The following PRKAR1A variants were observed in gnomAD, a reference collection of about 807,000 sequenced individuals.
PRKAR1A encodes protein kinase cAMP-dependent type I regulatory subunit alpha.
A neutral mutation model predicts 52.0 loss-of-function variants in PRKAR1A; 3 were observed. The observed-to-expected ratio is 0.06, with a 90% CI of 0.03 to 0.15. The LOEUF is 0.15. Among genes scored for constraint, PRKAR1A ranks in the 10% least tolerant of loss-of-function variants. PRKAR1A has a pLI of 1.00. For synonymous variants in PRKAR1A, 188 were observed against 168.4 expected (o/e 1.12, Z -0.90); for missense variants, 240 against 477.4 (o/e 0.50, Z 4.63).
the PRKAR1A span, among the ~76,000 whole-genome samples, chr17:68,502,213 G>A: frequency 6.6e-6 from 1 of 152,110 alleles, no homozygotes; most frequent in African/African-American, 2.4e-5. Flanking sequence ...CCTGCATGAG[G>A]CCATTCAGTA....
At chr17:68,474,445 C>CG in the PRKAR1A span, among the ~76,000 whole-genome samples, 1 of 152,112 alleles carries the variant, frequency 6.6e-6, no homozygotes, top group Non-Finnish European at 1.5e-5. Context: ...AGCAGTGCCC[C>CG]GGGGGCCCGC....
intron 7 of PRKAR1A, among the ~76,000 whole-genome samples, chr17:68,526,577 T>G (rs2085797418): frequency 6.6e-6 from 1 of 152,174 alleles, no homozygotes; most frequent in Admixed American, 6.5e-5. Flanking sequence ...ATTTGGGATA[T>G]ATAGATAGAT....
the PRKAR1A span, among the ~76,000 whole-genome samples, chr17:68,498,875 A>T: frequency 6.6e-6 from 1 of 152,142 alleles, no homozygotes; most frequent in Non-Finnish European, 1.5e-5. Context: ...TCCTCTTTAA[A>T]GGTCTTCTGT....
chr17:68,476,386 T>G, the PRKAR1A span, among the ~76,000 whole-genome samples: 11 of 152,084 alleles, frequency 7.2e-5, no homozygotes, highest in Admixed American at 4.6e-4. Context: ...GTCTCCATTT[T>G]CCCCCTTTCT....
chr17:68,518,876 C>T (rs1251883574), intron 2 of PRKAR1A, among the ~76,000 whole-genome samples: 1 of 152,208 alleles, frequency 6.6e-6, no homozygotes, highest in Non-Finnish European at 1.5e-5. Context: ...CCACCGGATA[C>T]CCTAAATCAT....
intron 1 of PRKAR1A, 125 bp from the exon 2 acceptor site, chr17:68,515,267 TAA>T: frequency 9.2e-7 from 1 of 1,081,598 alleles, no homozygotes; most frequent in Non-Finnish European, 1.4e-6. Flanking sequence ...CTTCCCTGTT[TAA>T]AAACAAAATC....
At chr17:68,460,581 C>T in the PRKAR1A span, among the ~76,000 whole-genome samples, 1 of 152,170 alleles carries the variant, frequency 6.6e-6, no homozygotes, top group South Asian at 2.1e-4. Flanking sequence ...ATTATGGCAC[C>T]AGCCATGTGG....
intron 2 of PRKAR1A, among the ~76,000 whole-genome samples, chr17:68,521,328 C>G (rs10468444): frequency 0.14 from 21,330 of 152,232 alleles, 1,540 homozygotes; most frequent in South Asian, 0.2. Flanking sequence ...CTTCCAGGCT[C>G]AGGTGATCCT....
the PRKAR1A span, among the ~76,000 whole-genome samples, chr17:68,418,125 T>C: frequency 7.9e-5 from 12 of 152,152 alleles, no homozygotes; most frequent in Non-Finnish European, 1.3e-4. Flanking sequence ...ACTGGGAGTC[T>C]CCTATTTAGT....
chr17:68,539,201 A>G lies in PRKAR1A; in HGVS notation c.973+9200A>G. On this transcript the variant is annotated intron_variant, in intron 11 of 11. Transcript: ENST00000585981. The stretch of plus-strand genomic sequence containing the variant: ...CATGCAGTGCACAAATGTGTAGGAA[A>G]TAAGGTGATTCATGTCATTCTACCC... The G allele has an allele frequency of 2.6e-6, 2 of 774,776 alleles. 1 individual carries two copies. Among genetic ancestry groups the G allele is most frequent in the South Asian group, 3.0e-5 (2 of 67,064 alleles). 48.0% of individuals were successfully genotyped at this position (774,776 alleles called of 1,614,324 possible). A position where few individuals can be genotyped will look rare whatever the true frequency, so the allele number is the denominator to read the frequency against.
chr17:68,537,011 C>T (rs764554217), downstream of PRKAR1A: 148 of 454,966 alleles, frequency 3.3e-4, no homozygotes, highest in Non-Finnish European at 4.8e-5. This position sits in a 1 kb window ranked among gnomAD's most constrained non-coding sequence, Gnocchi z 4.2. Context: ...CTGTTGCCTG[C>T]GCTGGCCCAA....
chr17:68,489,525 T>C, the PRKAR1A span, among the ~76,000 whole-genome samples: 1 of 145,882 alleles, frequency 6.9e-6, no homozygotes, highest in South Asian at 2.1e-4. Context: ...GGAAAGTGTA[T>C]ATATATATAT....
the PRKAR1A span, among the ~76,000 whole-genome samples, chr17:68,457,750 G>A: frequency 6.6e-6 from 1 of 152,036 alleles, no homozygotes; most frequent in Middle Eastern, 3.2e-3. Context: ...CCAATCCGTG[G>A]CAGCTGTGGG....
the PRKAR1A span, chr17:68,444,699 G>T: frequency 1.2e-6 from 1 of 828,264 alleles, no homozygotes; most frequent in Non-Finnish European, 1.8e-6. Flanking sequence ...TAAGCCTAAA[G>T]CAGAATTTTG....
intron 11 of PRKAR1A, chr17:68,541,638 C>T (rs74438872): frequency 1.4e-5 from 3 of 213,152 alleles, no homozygotes; most frequent in South Asian, 9.4e-5. Flanking sequence ...ATGGGATTCT[C>T]GTGTGCTCCC....
chr17:68,529,083 G>C, intron 9 of PRKAR1A, 92 bp downstream of exon 9: 1 of 1,481,044 alleles, frequency 6.8e-7, no homozygotes, highest in Non-Finnish European at 9.3e-7. Flanking sequence ...GAGGGAAAGA[G>C]TGGGCTAATT....
intron 11 of PRKAR1A, chr17:68,543,677 A>T: frequency 6.2e-7 from 1 of 1,614,162 alleles, no homozygotes; most frequent in Non-Finnish European, 8.5e-7. Flanking sequence ...CTGAAAGTCA[A>T]TGAAGTAGAA....
At position 68,541,843 on chromosome 17, in the gene PRKAR1A, G is replaced by C. The variant is rs1222357910; in HGVS notation, c.974-9241G>C. Reference sequence around the variant, plus strand: ...AGGGGAGAACAGACCCAGGCCTGCTGATCCCAGGATCAATATGAAATGGGG... The same window carrying C: ...AGGGGAGAACAGACCCAGGCCTGCTCATCCCAGGATCAATATGAAATGGGG... On this transcript the variant is annotated intron_variant, in intron 11 of 11. Transcript: ENST00000585981. The C allele has an allele frequency of 4.9e-6, 5 of 1,019,476 alleles. No homozygotes were observed. In the Admixed American group the frequency reaches 1.1e-4, roughly 23 times the overall value. The allele number at this position is 1,019,476 out of a possible 1,614,324, so 63.2% of individuals were successfully genotyped here. A position where few individuals can be genotyped will look rare whatever the true frequency, so the allele number is the denominator to read the frequency against.
At chr17:68,543,059 C>A (rs1336460317) in intron 11 of PRKAR1A, among the ~76,000 whole-genome samples, 1 of 152,166 alleles carries the variant, frequency 6.6e-6, no homozygotes, top group East Asian at 1.9e-4. Flanking sequence ...CAAACCTTCC[C>A]ACCATCCCAA....
Sources: gnomAD v4.1 joint callset for allele counts (sites outside exome capture counted in the v4.1 genomes callset) on GRCh38, gnomAD v4.1.1 for gene constraint, Gnocchi (gnomAD v3.1) non-coding constraint, MANE v1.5 for transcripts, NCBI Gene and HGNC (gene_info 2026-07-23, HGNC 2026-07-21) for gene names.